Variants in SFMBT2 observed in about 807,000 individuals in gnomAD.
The protein encoded by SFMBT2 is Scm like with four mbt domains 2.
A neutral mutation model predicts 110.1 loss-of-function variants in SFMBT2; 38 were observed. That is an observed-to-expected ratio of 0.35 (90% CI 0.27 to 0.45). The LOEUF (loss-of-function observed/expected upper bound fraction) is 0.45, where lower values mean the gene tolerates loss of function less well. Among genes scored for constraint, SFMBT2 ranks in the 20% least tolerant of loss-of-function variants. The pLI is 1.00. For missense variants in SFMBT2, 1,011 were observed against 1,094.9 expected, an observed-to-expected ratio of 0.92 and a Z score of 1.08; for synonymous variants, 425 against 425.4, an observed-to-expected ratio of 1.00 and a Z score of 0.01.
intron 4 of SFMBT2, among the ~76,000 whole-genome samples, chr10:7,303,513 G>C (rs746239406): frequency 6.6e-6 from 1 of 152,072 alleles, no homozygotes; most frequent in Non-Finnish European, 1.5e-5. Flanking sequence ...GAGAGACAGA[G>C]AGACAGAAAA....
At chr10:7,322,266 T>C (rs1281614283) in intron 4 of SFMBT2, among the ~76,000 whole-genome samples, 1 of 152,212 alleles carries the variant, frequency 6.6e-6, no homozygotes, top group Non-Finnish European at 1.5e-5. Flanking sequence ...AGATGTGCCT[T>C]TGCTCCTCCT....
chr10:7,315,034 GAAAGAGAAAGAA>G (rs1419358266), intron 4 of SFMBT2, among the ~76,000 whole-genome samples: 2 of 114,994 alleles, frequency 1.7e-5, no homozygotes, highest in Non-Finnish European at 3.7e-5. Flanking sequence ...GAGAAAGAAA[GAAAGAGAAAGAA>G]AGAAAGAAAG....
At chr10:7,209,344 A>C (rs1839259194) in intron 11 of SFMBT2, among the ~76,000 whole-genome samples, 1 of 152,212 alleles carries the variant, frequency 6.6e-6, no homozygotes, top group African/African-American at 2.4e-5. Flanking sequence ...CAAGCGAAAA[A>C]TCCCCGACAA....
chr10:7,171,834 G>A lies in SFMBT2; in HGVS notation c.2415+61C>T, dbSNP rs1837879361. Reference sequence around the variant, plus strand: ...TTTCCCCACATCGTGGCCCTGAAGTGTAACAGGTGTGCTTCTTCAGACCCA... The same window carrying A: ...TTTCCCCACATCGTGGCCCTGAAGTATAACAGGTGTGCTTCTTCAGACCCA... On this transcript the variant is annotated intron_variant, in intron 19 of 20. Transcript: ENST00000397167. The surrounding 1 kb of genome is among the most constrained non-coding windows in gnomAD (Gnocchi z 4.9). 7.3e-7 allele frequency: 1 copy of A among 1,361,506 alleles called. No individual in the cohort carries two copies. The highest frequency in any genetic ancestry group is 2.9e-5 in the East Asian group (1 of 34,552). The allele number at this position is 1,361,506 out of a possible 1,614,324, so 84.3% of individuals were successfully genotyped here. A position where few individuals can be genotyped will look rare whatever the true frequency, so the allele number is the denominator to read the frequency against.
At chr10:7,242,213 A>C (rs1840453321) in intron 9 of SFMBT2, among the ~76,000 whole-genome samples, 1 of 152,184 alleles carries the variant, frequency 6.6e-6, no homozygotes, top group Non-Finnish European at 1.5e-5. Flanking sequence ...CCTTCGACTC[A>C]TTTTAACTCT....
intron 15 of SFMBT2, among the ~76,000 whole-genome samples, chr10:7,193,002 A>AAAGCATCCTGGGTGCC (rs1838649037): frequency 6.6e-6 from 1 of 152,214 alleles, no homozygotes; most frequent in Non-Finnish European, 1.5e-5. Context: ...GCCTCATTGC[A>AAAGCATCCTGGGTGCC]AAGCATCCTG....
rs926921222 is a variant in SFMBT2, at chr10:7,370,301, G to A, written c.175C>T (p.Pro59Ser). The A allele has an allele frequency of 2.5e-6, 4 of 1,613,880 alleles. No individual in the cohort carries two copies. The African/African-American group carries it at 4.0e-5, about 16-fold the overall frequency. Reference sequence around the variant, plus strand: ...CATACGTGTTTGAATGATGTGTGGGGAGCAGCACTTGCTCCTGTCTCTTCC... The same window carrying A: ...CATACGTGTTTGAATGATGTGTGGGAAGCAGCACTTGCTCCTGTCTCTTCC... ...YLEETGASAA[P>S]HTSFKHVEIS... The change falls in exon 3 of 21, where the codon CCC becomes TCC. Residue 59 changes from proline to serine, a missense_variant. By Grantham distance (74) the Pro-to-Ser change is moderately conservative. Transcript: ENST00000397167.
chr10:7,218,230 T>C (rs1839607482), intron 11 of SFMBT2, among the ~76,000 whole-genome samples: 1 of 152,148 alleles, frequency 6.6e-6, no homozygotes, highest in Admixed American at 6.5e-5. Context: ...AAAGTGACCA[T>C]GATGAAACTC....
chr10:7,375,673 C>A (rs1400680527), intron 2 of SFMBT2, among the ~76,000 whole-genome samples: 1 of 151,676 alleles, frequency 6.6e-6, no homozygotes, highest in East Asian at 1.9e-4. Flanking sequence ...CAGGCAGGGA[C>A]AGTCCTCACG....
At chr10:7,335,228 G>A (rs576190033) in intron 4 of SFMBT2, among the ~76,000 whole-genome samples, 6 of 152,272 alleles carry the variant, frequency 3.9e-5, no homozygotes, top group African/African-American at 1.2e-4. Context: ...ATGGCTGCAC[G>A]ACAACGTGAA....
At chr10:7,263,823 C>T (rs563639703) in intron 7 of SFMBT2, among the ~76,000 whole-genome samples, 1 of 152,320 alleles carries the variant, frequency 6.6e-6, no homozygotes, top group Admixed American at 6.5e-5. Flanking sequence ...GAGAAGCCCG[C>T]GTCTTCCTTA....
Position 7,367,928 on chromosome 10 carries a change from T to C in SFMBT2, c.196-39A>G, listed in dbSNP as rs1243774805. 3 of 1,600,378 alleles carry C rather than the reference T, an allele frequency of 1.9e-6. No homozygotes were observed. In the South Asian group the frequency reaches 3.3e-5, roughly 18 times the overall value. On this transcript the variant is annotated intron_variant, in intron 3 of 20. Coordinates refer to ENST00000397167, the MANE Select transcript of SFMBT2 (RefSeq NM_001387889.1). The surrounding 1 kb of genome is among the most constrained non-coding windows in gnomAD (Gnocchi z 6.2). Reference sequence around the variant, plus strand: ...AAATAGAGAAAACCCATTACTACACTAGACACAATACATCCAGAAGATGAC... The same window carrying C: ...AAATAGAGAAAACCCATTACTACACCAGACACAATACATCCAGAAGATGAC...
intron 4 of SFMBT2, among the ~76,000 whole-genome samples, chr10:7,359,348 G>A (rs1284452990): frequency 6.6e-6 from 1 of 152,214 alleles, no homozygotes; most frequent in Non-Finnish European, 1.5e-5. Context: ...ACAAGGGGAG[G>A]TGGGGCACCA....
Position 7,362,328 on chromosome 10 carries a change from C to T in SFMBT2, c.436+5321G>A, listed in dbSNP as rs183524168. Among the ~76,000 whole-genome samples, 222 of 152,248 alleles carry T rather than the reference C, an allele frequency of 1.5e-3. 1 individual carries two copies. Among genetic ancestry groups the T allele is most frequent in the Middle Eastern group, 3.4e-3 (1 of 294 alleles). ...TAGTGATGACATCTCCTGGAGCTGC[C>T]GCCATGCTGTTTCTCCTTCCTTGTA... On this transcript the variant is annotated intron_variant, in intron 4 of 20. Transcript: ENST00000397167.
intron 10 of SFMBT2, among the ~76,000 whole-genome samples, chr10:7,226,654 A>C (rs1163103899): frequency 6.6e-6 from 1 of 152,280 alleles, no homozygotes. Flanking sequence ...CCTAATTCTT[A>C]AAACAGAGAT....
intron 2 of SFMBT2, among the ~76,000 whole-genome samples, chr10:7,381,395 C>A (rs148186033): frequency 6.6e-6 from 1 of 152,164 alleles, no homozygotes; most frequent in African/African-American, 2.4e-5. Context: ...AACTTCCTGT[C>A]AAGGGGTTCT....
intron 11 of SFMBT2, among the ~76,000 whole-genome samples, chr10:7,212,629 GA>G (rs770802588): frequency 6.6e-6 from 1 of 152,136 alleles, no homozygotes; most frequent in Non-Finnish European, 1.5e-5. Flanking sequence ...ACACTCTATC[GA>G]TGTTCATCCA....
Position 7,227,803 on chromosome 10 carries a change from G to A in SFMBT2, c.1203+52C>T, listed in dbSNP as rs2762579. On this transcript the variant is annotated intron_variant, in intron 10 of 20. Coordinates refer to ENST00000397167, the MANE Select transcript of SFMBT2 (RefSeq NM_001387889.1). Reference sequence around the variant, plus strand: ...ATAAAAAGCAAGTTATAAAACTTACGGTAGACAAAATCTATGATTTTTAAA... The same window carrying A: ...ATAAAAAGCAAGTTATAAAACTTACAGTAGACAAAATCTATGATTTTTAAA... 2,991 of 1,508,878 alleles carry A rather than the reference G, an allele frequency of 2.0e-3. 39 individuals are homozygous for A. The African/African-American group carries it at 0.032, about 16-fold the overall frequency. 93.5% of individuals were successfully genotyped at this position (1,508,878 alleles called of 1,614,324 possible).
chr10:7,315,938 T>C (rs757818812), intron 4 of SFMBT2, among the ~76,000 whole-genome samples: 2 of 152,156 alleles, frequency 1.3e-5, no homozygotes, highest in East Asian at 1.9e-4. Context: ...TGTTCAGGCA[T>C]AGAAGTACAC....
Sources: allele counts gnomAD v4.1 joint callset (sites outside exome capture counted in the v4.1 genomes callset), GRCh38; gene constraint gnomAD v4.1.1; non-coding constraint Gnocchi (gnomAD v3.1); transcripts MANE v1.5; gene names NCBI Gene and HGNC (gene_info 2026-07-23, HGNC 2026-07-21).